The following AGBL1 variants were observed in gnomAD, a reference collection of about 807,000 sequenced individuals.
The protein encoded by AGBL1 is AGBL carboxypeptidase 1.
Under a neutral mutation model 118.9 loss-of-function variants are expected in AGBL1, and 130 were observed. That is an observed-to-expected ratio of 1.09 (90% confidence interval 0.95 to 1.26). The LOEUF (loss-of-function observed/expected upper bound fraction) is 1.26. AGBL1 is among the 50% of genes most tolerant of loss of function. AGBL1 has a pLI of 0.00. For missense variants in AGBL1, 1,584 were observed against 1,298.1 expected, an observed-to-expected ratio of 1.22 and a Z score of -3.38; for synonymous variants, 555 against 478.9, an observed-to-expected ratio of 1.16 and a Z score of -2.08.
chr15:86,784,930 TAAAA>T (rs539429718), intron 22 of AGBL1, among the ~76,000 whole-genome samples: 1 of 151,694 alleles, frequency 6.6e-6, no homozygotes, highest in African/African-American at 2.4e-5. Context: ...ATAAGATTAT[TAAAA>T]AAAAATTAGC....
At chr15:86,431,065 C>G (rs1313654937) in intron 18 of AGBL1, among the ~76,000 whole-genome samples, 1 of 152,150 alleles carries the variant, frequency 6.6e-6, no homozygotes, top group African/African-American at 2.4e-5. Context: ...GTCTATCTTG[C>G]TCCAAAGTCC....
At chr15:86,871,703 T>A (rs753705004) in intron 22 of AGBL1, among the ~76,000 whole-genome samples, 4 of 152,146 alleles carry the variant, frequency 2.6e-5, no homozygotes, top group Non-Finnish European at 5.9e-5. Context: ...ACACCGGGAC[T>A]GTTGGGTCAC....
chr15:86,445,971 C>T (rs893275077), intron 18 of AGBL1, among the ~76,000 whole-genome samples: 8 of 152,096 alleles, frequency 5.3e-5, no homozygotes, highest in African/African-American at 1.4e-4. Context: ...TCCATCATGT[C>T]GGCTTCCTCA....
intron 1 of AGBL1, among the ~76,000 whole-genome samples, chr15:86,091,550 C>A (rs759053933): frequency 2.6e-5 from 4 of 152,190 alleles, no homozygotes; most frequent in African/African-American, 4.8e-5. Context: ...CACTGCAAGG[C>A]AGTGAGTCAT....
chr15:86,773,549 G>A (rs1289985371), intron 22 of AGBL1, among the ~76,000 whole-genome samples: 2 of 129,448 alleles, frequency 1.5e-5, no homozygotes, highest in Non-Finnish European at 3.1e-5. Flanking sequence ...TCCCCTTACT[G>A]TGTCCATGTG....
chr15:86,787,502 T>A (rs2078429986), intron 22 of AGBL1, among the ~76,000 whole-genome samples: 1 of 152,188 alleles, frequency 6.6e-6, no homozygotes, highest in South Asian at 2.1e-4. Context: ...AGACTCCACA[T>A]ATAAGTGAAA....
In AGBL1 at chr15:86,232,327, C is replaced by G. The variant is rs959457151; in HGVS notation, c.526+7376C>G. The stretch of plus-strand genomic sequence containing the variant: ...CCGCAGACAGTAAAGCATATCGTTC[C>G]TCTTCCGGCCATGTGGTGGTGCTGT... On this transcript the variant is annotated intron_variant, in intron 6 of 22. Transcript: ENST00000614907. 5.3e-5 allele frequency among the ~76,000 whole-genome samples: 8 copies of G among 152,308 alleles called. No homozygotes were observed. The South Asian group carries it at 6.2e-4, about 12-fold the overall frequency.
At chr15:86,703,535 C>T (rs1476437433) in intron 22 of AGBL1, among the ~76,000 whole-genome samples, 1 of 152,062 alleles carries the variant, frequency 6.6e-6, no homozygotes, top group Non-Finnish European at 1.5e-5. Flanking sequence ...AAAATAAATT[C>T]TTAGTGACTG....
At chr15:86,527,008 A>C (rs2083276896) in intron 19 of AGBL1, among the ~76,000 whole-genome samples, 1 of 148,242 alleles carries the variant, frequency 6.7e-6, no homozygotes, top group Admixed American at 6.8e-5. Context: ...AAGTTAAAAC[A>C]AGAATACTGG....
intron 21 of AGBL1, among the ~76,000 whole-genome samples, chr15:86,607,508 A>T (rs2084594369): frequency 6.6e-6 from 1 of 152,168 alleles, no homozygotes. Flanking sequence ...ACTGTCTTTC[A>T]AAGTGGCTGT....
At chr15:86,142,230 A>G (rs1174549733) in intron 2 of AGBL1, among the ~76,000 whole-genome samples, 163 bp downstream of exon 2, 1 of 152,196 alleles carries the variant, frequency 6.6e-6, no homozygotes, top group Non-Finnish European at 1.5e-5. Context: ...AATAAGACCC[A>G]AGTAACCTGG....
intron 18 of AGBL1, among the ~76,000 whole-genome samples, chr15:86,519,834 C>T (rs533825234): frequency 2.2e-4 from 34 of 152,346 alleles, no homozygotes; most frequent in Admixed American, 2.6e-4. Flanking sequence ...TTCTGTATGT[C>T]TCACATTGGC....
At chr15:86,650,870 G>A (rs2085357830) in intron 21 of AGBL1, among the ~76,000 whole-genome samples, 1 of 151,486 alleles carries the variant, frequency 6.6e-6, no homozygotes, top group African/African-American at 2.4e-5. Context: ...GCTACTCTCT[G>A]CCAAGGACAA....
chr15:86,538,356 A>G (rs534064545), intron 19 of AGBL1, among the ~76,000 whole-genome samples: 5 of 152,356 alleles, frequency 3.3e-5, no homozygotes, highest in Admixed American at 2.0e-4. Flanking sequence ...AACCTCAGCT[A>G]GGACTGGATG....
chr15:86,681,724 C>T (rs2085961337), intron 22 of AGBL1, among the ~76,000 whole-genome samples: 1 of 152,136 alleles, frequency 6.6e-6, no homozygotes, highest in South Asian at 2.1e-4. Context: ...GAGAGGTCCT[C>T]TTGTTTTAAT....
chr15:86,899,754 T>C (rs1160087153), intron 22 of AGBL1, among the ~76,000 whole-genome samples: 1 of 152,196 alleles, frequency 6.6e-6, no homozygotes, highest in African/African-American at 2.4e-5. Flanking sequence ...CACACTGTGC[T>C]TTGGTGATAC....
chr15:86,989,935 G>C (rs977147928), intron 24 of AGBL1, among the ~76,000 whole-genome samples: 1 of 152,210 alleles, frequency 6.6e-6, no homozygotes, highest in Non-Finnish European at 1.5e-5. Flanking sequence ...GCAAGTAACA[G>C]TGTGAGTGGG....
At chr15:86,609,220 G>A (rs138736102) in intron 21 of AGBL1, among the ~76,000 whole-genome samples, 20 of 152,260 alleles carry the variant, frequency 1.3e-4, no homozygotes, top group African/African-American at 4.3e-4. Flanking sequence ...TCCTCTTGAG[G>A]AGTACTAGAT....
chr15:86,805,454 A>G (rs1596498190), intron 22 of AGBL1, among the ~76,000 whole-genome samples: 1 of 152,248 alleles, frequency 6.6e-6, no homozygotes, highest in East Asian at 1.9e-4. Context: ...ACCACTCAGC[A>G]TCTAGCCCTC....
Sources: allele counts gnomAD v4.1 joint callset (sites outside exome capture counted in the v4.1 genomes callset), GRCh38; gene constraint gnomAD v4.1.1; transcripts MANE v1.5; gene names NCBI Gene and HGNC (gene_info 2026-07-23, HGNC 2026-07-21).